Variants in ILDR2 observed in about 807,000 individuals in gnomAD.
ILDR2 encodes the protein immunoglobulin like domain containing receptor 2, also known as immunoglobulin-like domain-containing receptor 2.
Under a neutral mutation model 66.8 loss-of-function variants are expected in ILDR2, and 25 were observed. That is an observed-to-expected ratio of 0.37 (90% CI 0.27 to 0.52). The LOEUF (loss-of-function observed/expected upper bound fraction) is 0.52. Among genes scored for constraint, ILDR2 ranks in the 20% least tolerant of loss-of-function variants. The pLI is 0.88. For synonymous variants in ILDR2, 367 were observed against 357.2 expected (o/e 1.03, Z -0.31); for missense variants, 827 against 876.8 (o/e 0.94, Z 0.72).
At chr1:166,899,064 A>G (rs1199613117) in intron 2 of ILDR2, among the ~76,000 whole-genome samples, 4 of 151,896 alleles carry the variant, frequency 2.6e-5, no homozygotes, top group African/African-American at 9.7e-5. Context: ...TTCTCTCAAA[A>G]AGCCAATAAT....
intron 1 of ILDR2, among the ~76,000 whole-genome samples, chr1:166,958,481 GT>G (rs909713537): frequency 9.2e-5 from 14 of 152,114 alleles, no homozygotes; most frequent in African/African-American, 3.1e-4. Flanking sequence ...TGTGAAGAAG[GT>G]GCTTGTTTCC....
intron 6 of ILDR2, among the ~76,000 whole-genome samples, chr1:166,933,328 G>A (rs186776894): frequency 1.5e-3 from 228 of 152,316 alleles, no homozygotes; most frequent in Admixed American, 2.5e-3. Flanking sequence ...TTCAATCTCT[G>A]AATTTGCTTA....
At chr1:166,900,261 C>A (rs1465541988) in intron 2 of ILDR2, among the ~76,000 whole-genome samples, 1 of 151,780 alleles carries the variant, frequency 6.6e-6, no homozygotes, top group African/African-American at 2.4e-5. Flanking sequence ...CTCCTTCTCT[C>A]TATTGCCATC....
intron 3 of ILDR2, among the ~76,000 whole-genome samples, chr1:166,956,248 A>G (rs1662272943): frequency 6.6e-6 from 1 of 152,202 alleles, no homozygotes; most frequent in African/African-American, 2.4e-5. Flanking sequence ...GGCATCTTTT[A>G]TTACCAAACT....
Position 166,920,890 on chromosome 1 carries a change from A to G in ILDR2, c.1701T>C (p.Ala567=). The G allele has an allele frequency of 6.7e-7, 1 of 1,487,922 alleles. No homozygotes were observed. Among genetic ancestry groups the G allele is most frequent in the Non-Finnish European group, 8.9e-7 (1 of 1,123,618 alleles). 92.2% of individuals were successfully genotyped at this position (1,487,922 alleles called of 1,614,324 possible). The change falls in exon 9 of 10, where the codon GCT becomes GCC. Residue 567 remains alanine (A), a synonymous_variant. Coordinates refer to ENST00000271417, the MANE Select transcript of ILDR2 (RefSeq NM_199351.3). ...QLGPRSASYY[A]WSPPGTYKAG... ...CCTTGTAGGTGCCGGGCGGCGACCA[A>G]GCGTAGTAGGAGGCGCTGCGCGGGC...
chr1:166,968,144 A>T (rs1663070590), intron 1 of ILDR2, among the ~76,000 whole-genome samples: 1 of 152,202 alleles, frequency 6.6e-6, no homozygotes. Context: ...TCAGGAGCAC[A>T]AAAGCTCCTT....
chr1:166,955,677 T>C (rs1354006076), intron 3 of ILDR2, among the ~76,000 whole-genome samples: 1 of 152,188 alleles, frequency 6.6e-6, no homozygotes, highest in Non-Finnish European at 1.5e-5. Context: ...TCAGAATAGT[T>C]GTTTTGCCAA....
intron 3 of ILDR2, among the ~76,000 whole-genome samples, chr1:166,944,802 C>T (rs950022428): frequency 3.3e-5 from 5 of 152,180 alleles, no homozygotes; most frequent in Admixed American, 1.3e-4. Context: ...CTTCCTCCTC[C>T]ATGCTCCCTA....
At chr1:166,898,814 C>T (rs989086585) in intron 2 of ILDR2, among the ~76,000 whole-genome samples, 2 of 151,848 alleles carry the variant, frequency 1.3e-5, no homozygotes, top group Admixed American at 6.6e-5. Context: ...AATCTCAGCA[C>T]TTTGGGAGGC....
At chr1:166,927,221 A>G (rs779702233) in intron 6 of ILDR2, 41 bp from the exon 7 acceptor site, 1 of 1,346,090 alleles carries the variant, frequency 7.4e-7, no homozygotes, top group African/African-American at 1.5e-5. Context: ...AAAAAGGAAA[A>G]TATCAGGAGA....
intron 2 of ILDR2, among the ~76,000 whole-genome samples, chr1:166,901,712 G>A (rs573235663): frequency 1.3e-5 from 2 of 152,350 alleles, no homozygotes; most frequent in South Asian, 4.1e-4. Context: ...ACCAGGGCCA[G>A]CAGGGTTTTA....
intron 6 of ILDR2, among the ~76,000 whole-genome samples, chr1:166,931,551 G>C (rs906295488): frequency 1.3e-5 from 2 of 152,212 alleles, no homozygotes; most frequent in Non-Finnish European, 2.9e-5. Context: ...GTGGAGGACA[G>C]GTAGATGTGG....
chr1:166,940,863 T>C (rs1661274876), intron 3 of ILDR2, among the ~76,000 whole-genome samples: 2 of 152,166 alleles, frequency 1.3e-5, no homozygotes, highest in South Asian at 4.2e-4. Flanking sequence ...AGTTTACTCA[T>C]GTGTGTGGTT....
chr1:166,943,411 A>G (rs1041133208), intron 3 of ILDR2, among the ~76,000 whole-genome samples: 3 of 147,398 alleles, frequency 2.0e-5, no homozygotes, highest in Non-Finnish European at 4.5e-5. Flanking sequence ...AGAATGGCGT[A>G]AACCCGGGAG....
At chr1:166,958,142 C>T (rs1363792152) in intron 1 of ILDR2, 41 bp from the exon 2 acceptor site, 2 of 1,502,942 alleles carry the variant, frequency 1.3e-6, no homozygotes, top group South Asian at 1.2e-5. Flanking sequence ...TGTCCATATC[C>T]TGGACCTCAC....
chr1:166,940,890 G>C (rs890972999), intron 3 of ILDR2, among the ~76,000 whole-genome samples: 1 of 152,138 alleles, frequency 6.6e-6, no homozygotes, highest in Non-Finnish European at 1.5e-5. Flanking sequence ...TTAAATCTAA[G>C]GTCATGGTTG....
intron 9 of ILDR2, 112 bp from the exon 10 acceptor site, chr1:166,919,502 CCT>C: frequency 1.1e-6 from 1 of 919,232 alleles, no homozygotes; most frequent in East Asian, 2.6e-5. Flanking sequence ...GCCAGGCACC[CCT>C]GATTCTCAGA....
intron 6 of ILDR2, among the ~76,000 whole-genome samples, chr1:166,927,853 A>C (rs561820135): frequency 6.6e-6 from 1 of 152,334 alleles, no homozygotes; most frequent in South Asian, 2.1e-4. Flanking sequence ...AGACATGATT[A>C]ATTTGACCTG....
At chr1:166,903,293 C>T (rs1194558109), downstream of ILDR2, among the ~76,000 whole-genome samples, 2 of 152,236 alleles carry the variant, frequency 1.3e-5, no homozygotes, top group Non-Finnish European at 2.9e-5. Context: ...TTCTCTTTCA[C>T]TTAGTCCAGC....
Sources: allele counts gnomAD v4.1 joint callset (sites outside exome capture counted in the v4.1 genomes callset), GRCh38; gene constraint gnomAD v4.1.1; transcripts MANE v1.5; gene names NCBI Gene and HGNC (gene_info 2026-07-23, HGNC 2026-07-21).